The following ADK variants were observed in gnomAD, a reference collection of about 807,000 sequenced individuals.
The protein encoded by ADK is adenosine kinase, also known as N6,N6-dimethyladenosine kinase.
A neutral mutation model predicts 44.7 loss-of-function variants in ADK; 24 were observed. That is an observed-to-expected ratio of 0.54 (90% CI 0.39 to 0.76). The LOEUF (loss-of-function observed/expected upper bound fraction) is 0.76. Ranked by LOEUF, ADK falls within the 30% of genes least tolerant of loss-of-function variation. The pLI, the probability that ADK is intolerant of heterozygous loss-of-function variation, is 0.00. For synonymous variants in ADK, 128 were observed against 142.6 expected, an observed-to-expected ratio of 0.90 and a Z score of 0.73; for missense variants, 321 against 425.1, an observed-to-expected ratio of 0.76 and a Z score of 2.15.
At chr10:74,290,172 GT>G (rs1175311816) in intron 3 of ADK, among the ~76,000 whole-genome samples, 1 of 151,842 alleles carries the variant, frequency 6.6e-6, no homozygotes, top group Non-Finnish European at 1.5e-5. Context: ...AAAGCTGTCA[GT>G]TTTTTTCCTT....
intron 2 of ADK, among the ~76,000 whole-genome samples, chr10:74,207,146 C>A (rs564293175): frequency 6.6e-6 from 1 of 152,154 alleles, no homozygotes; most frequent in South Asian, 2.1e-4. Context: ...TGCAAGCTTG[C>A]GGCTGGATCT....
intron 4 of ADK, among the ~76,000 whole-genome samples, chr10:74,333,132 G>GATGACAAATGAGATGACAAATCAAA (rs1841278342): frequency 6.6e-6 from 1 of 152,066 alleles, no homozygotes; most frequent in African/African-American, 2.4e-5. Context: ...TCAAAAAATT[G>GATGACAAATGAGATGACAAATCAAA]AAATCGTCTA....
chr10:74,266,558 A>G (rs4353215), intron 3 of ADK, among the ~76,000 whole-genome samples: 97,578 of 151,578 alleles, frequency 0.64, 32,746 homozygotes, highest in Middle Eastern at 0.79. Context: ...TCTGCTTCAA[A>G]AAAAAGAAAA....
chr10:74,571,947 C>T (rs1850982425), intron 7 of ADK, among the ~76,000 whole-genome samples: 1 of 152,178 alleles, frequency 6.6e-6, no homozygotes, highest in African/African-American at 2.4e-5. Flanking sequence ...TGGGTCTTGA[C>T]TCTTTATCCA....
Position 74,201,886 on chromosome 10 carries a change from A to G in ADK, c.140+1048A>G, listed in dbSNP as rs531410208. 2.6e-5 allele frequency among the ~76,000 whole-genome samples: 4 copies of G among 152,204 alleles called. No homozygotes were observed. In the South Asian group the frequency reaches 6.2e-4, roughly 24 times the overall value. On this transcript the variant is annotated intron_variant, in intron 2 of 10. Coordinates refer to ENST00000539909, the MANE Select transcript of ADK (RefSeq NM_006721.4). The stretch of plus-strand genomic sequence containing the variant: ...ATCCCCCCTCTCCTCACACACCCTG[A>G]TTTCTGTACCCAAGAGTAATTACTT...
At chr10:74,394,878 A>T (rs1176983508) in intron 5 of ADK, among the ~76,000 whole-genome samples, 1 of 152,148 alleles carries the variant, frequency 6.6e-6, no homozygotes, top group East Asian at 1.9e-4. Context: ...AACCAAGTAT[A>T]TTTCTATACA....
At chr10:74,425,127 A>T (rs1844745890) in intron 6 of ADK, among the ~76,000 whole-genome samples, 2 of 152,166 alleles carry the variant, frequency 1.3e-5, no homozygotes, top group Non-Finnish European at 2.9e-5. Flanking sequence ...TTTACATTTG[A>T]ATCTGCCAAA....
At chr10:74,629,939 T>C (rs1853350532) in intron 9 of ADK, among the ~76,000 whole-genome samples, 1 of 152,122 alleles carries the variant, frequency 6.6e-6, no homozygotes, top group South Asian at 2.1e-4. Flanking sequence ...AGAATACATA[T>C]CAAAAGCCTT....
In ADK at chr10:74,320,982, CT is replaced by C. The variant is rs199635744; in HGVS notation, c.273+6242del. Among the ~76,000 whole-genome samples the C allele has an allele frequency of 6.2e-3, 937 of 152,164 alleles. 12 individuals are homozygous for C. Among genetic ancestry groups the C allele is most frequent in the African/African-American group, 0.022 (901 of 41,510 alleles). On this transcript the variant is annotated intron_variant, in intron 4 of 10. Transcript: ENST00000539909. ...ACAGTTTTCCTTGGTGCCTAGATAC[CT>C]TTTTGTTCCTTGGAGATTCATAGTA...
At chr10:74,448,118 A>T (rs1241325116) in intron 6 of ADK, among the ~76,000 whole-genome samples, 5 of 152,164 alleles carry the variant, frequency 3.3e-5, no homozygotes. Flanking sequence ...GGCTGCAGTG[A>T]GTCGAGATCA....
intron 6 of ADK, among the ~76,000 whole-genome samples, chr10:74,492,044 A>G (rs766362357): frequency 6.6e-6 from 1 of 152,278 alleles, no homozygotes; most frequent in African/African-American, 2.4e-5. Context: ...TATTGTATGT[A>G]TGTATGTAGA....
At chr10:74,500,770 A>G (rs931636371) in intron 6 of ADK, among the ~76,000 whole-genome samples, 2 of 152,198 alleles carry the variant, frequency 1.3e-5, no homozygotes, top group African/African-American at 2.4e-5. Flanking sequence ...GTCAAGGGCT[A>G]TCTATCCCTT....
chr10:74,606,154 T>G (rs1300027462), intron 9 of ADK, among the ~76,000 whole-genome samples: 2 of 152,204 alleles, frequency 1.3e-5, no homozygotes, highest in Admixed American at 6.5e-5. Context: ...TTAGTCTAGC[T>G]AGCAGTCTAT....
intron 6 of ADK, among the ~76,000 whole-genome samples, chr10:74,515,854 G>T (rs1267163757): frequency 6.6e-6 from 1 of 152,126 alleles, no homozygotes; most frequent in Non-Finnish European, 1.5e-5. Flanking sequence ...TTCTTGCTGT[G>T]CAAGACCAGA....
chr10:74,563,619 G>A (rs145972372), intron 7 of ADK, among the ~76,000 whole-genome samples: 97 of 152,184 alleles, frequency 6.4e-4, no homozygotes, highest in Non-Finnish European at 1.2e-3. Context: ...TTTTACTTTA[G>A]GGAACAAAAT....
intron 6 of ADK, among the ~76,000 whole-genome samples, chr10:74,495,953 T>C (rs1236349173): frequency 6.6e-6 from 1 of 152,236 alleles, no homozygotes; most frequent in Non-Finnish European, 1.5e-5. Context: ...CTAATCTAAT[T>C]ACCTTTTCTC....
At chr10:74,379,189 TGTGC>T (rs1842908953) in intron 4 of ADK, among the ~76,000 whole-genome samples, 1 of 152,132 alleles carries the variant, frequency 6.6e-6, no homozygotes, top group African/African-American at 2.4e-5. Context: ...GACAGCTCTA[TGTGC>T]GTGGAGTCAA....
At position 74,442,100 on chromosome 10, in the gene ADK, C is replaced by T. The variant is rs947787266; in HGVS notation, c.555+43521C>T. 4.0e-5 allele frequency among the ~76,000 whole-genome samples: 6 copies of T among 151,490 alleles called. No homozygotes were observed. The South Asian group carries it at 1.2e-3, about 32-fold the overall frequency. On this transcript the variant is annotated intron_variant, in intron 6 of 10. Coordinates refer to ENST00000539909, the MANE Select transcript of ADK (RefSeq NM_006721.4). ...CCCAGGGGTTCAAGGCCAGCCTAGG[C>T]AACATAGGAAGACCCTATCTCTTTA... is the stretch of plus-strand genomic sequence containing the variant.
intron 4 of ADK, among the ~76,000 whole-genome samples, chr10:74,317,883 G>A (rs1008738037): frequency 3.9e-5 from 6 of 152,172 alleles, no homozygotes; most frequent in African/African-American, 1.4e-4. Flanking sequence ...CCGGGTTCAA[G>A]TGATTCTTTT....
Sources: allele counts gnomAD v4.1 joint callset (sites outside exome capture counted in the v4.1 genomes callset), GRCh38; gene constraint gnomAD v4.1.1; transcripts MANE v1.5; gene names NCBI Gene and HGNC (gene_info 2026-07-23, HGNC 2026-07-21).